The following SACS variants were observed in gnomAD, a reference collection of about 807,000 sequenced individuals.
The protein encoded by SACS is sacsin.
SACS carries 197 observed loss-of-function variants against 348.0 expected under a neutral mutation model. The observed-to-expected ratio is 0.57, with a 90% CI of 0.50 to 0.64. The LOEUF (loss-of-function observed/expected upper bound fraction) is 0.64. Among genes scored for constraint, SACS ranks in the 30% least tolerant of loss-of-function variants. The pLI, the probability that SACS is intolerant of heterozygous loss-of-function variation, is 0.00. For missense variants in SACS, 4,999 were observed against 5,360.8 expected, an observed-to-expected ratio of 0.93 and a Z score of 2.11; for synonymous variants, 1,985 against 1,910.6, an observed-to-expected ratio of 1.04 and a Z score of -1.02.
intron 6 of SACS, among the ~76,000 whole-genome samples, chr13:23,360,595 C>G (rs1870667782): frequency 6.6e-6 from 1 of 152,102 alleles, no homozygotes; most frequent in African/African-American, 2.4e-5. Flanking sequence ...TTCCCACTGT[C>G]AACTGGAAAA....
chr13:23,330,544 T>C lies in SACS; in HGVS notation c.13332A>G (p.Pro4444=). The change falls in exon 10 of 10, where the codon CCA becomes CCG. Residue 4444 remains proline, a synonymous_variant. Transcript: ENST00000382292. ...GTCTTAGCCATCTGCGTGCTTCCAC[T>C]GGATTGCCAACCGACTTGAAAGTGG... is the stretch of plus-strand genomic sequence containing the variant. The part of the protein sequence containing the change: ...VPPTFKSVGN[P]VEARRWLRQA... 1 of 1,614,152 alleles carries C rather than the reference T, an allele frequency of 6.2e-7. No individual in the cohort carries two copies. Among genetic ancestry groups the C allele is most frequent in the Non-Finnish European group, 8.5e-7 (1 of 1,179,986 alleles).
Position 23,333,638 on chromosome 13 carries a change from T to C in SACS, c.10238A>G (p.Tyr3413Cys), listed in dbSNP as rs371980996. Residue 3413 changes from tyrosine to cysteine, a missense_variant, in exon 10 of 10, where the codon TAT becomes TGT. By Grantham distance (194) the Tyr-to-Cys change is radical. Around this residue, in one of 6 missense-constraint regions of SACS, gnomAD observed 734 missense variants for 694.0 expected, o/e 1.06. Transcript: ENST00000382292. ...TACATAGCGGCCACTGATGGATTTATAGCACGGAAGTGACTTTAGAATTTT... is the reference window on the plus strand; with the variant it reads ...TACATAGCGGCCACTGATGGATTTACAGCACGGAAGTGACTTTAGAATTTT... ...DIKILKSLPC[Y>C]KSISGRYVSI... 14 of 1,613,724 alleles carry C rather than the reference T, an allele frequency of 8.7e-6. No homozygotes were observed. The African/African-American group carries it at 1.7e-4, about 20-fold the overall frequency.
chr13:23,352,423 G>T (rs897738725), intron 9 of SACS, among the ~76,000 whole-genome samples: 21 of 152,166 alleles, frequency 1.4e-4, no homozygotes, highest in African/African-American at 4.8e-4. Context: ...CAGTGTCATG[G>T]CTACCCTGGA....
chr13:23,410,933 T>C (rs1873456390), intron 2 of SACS, among the ~76,000 whole-genome samples: 1 of 152,196 alleles, frequency 6.6e-6, no homozygotes, highest in Non-Finnish European at 1.5e-5. Context: ...ATAGATACAT[T>C]TTATGAAGGA....
chr13:23,331,950 T>G lies in SACS; in HGVS notation c.11926A>C (p.Ser3976Arg). 6.2e-7 allele frequency: 1 copy of G among 1,614,128 alleles called. No homozygotes were observed. Among genetic ancestry groups the G allele is most frequent in the Non-Finnish European group, 8.5e-7 (1 of 1,179,968 alleles). The part of the protein sequence containing the change: ...PQKLRPRLLS[S>R]ILEEQLDEET... Reference sequence around the variant, plus strand: ...TCATCTAATTGTTCTTCAAGTATACTGCTCAATAATCGAGGTCTAAGTTTT... The same window carrying G: ...TCATCTAATTGTTCTTCAAGTATACGGCTCAATAATCGAGGTCTAAGTTTT... Residue 3976 changes from serine to arginine, a missense_variant, in exon 10 of 10, where the codon AGT becomes CGT. Around this residue, in one of 6 missense-constraint regions of SACS, gnomAD observed 831 missense variants for 941.8 expected, o/e 0.88. Transcript: ENST00000382292.
At chr13:23,380,909 G>A (rs1290513066) in intron 2 of SACS, among the ~76,000 whole-genome samples, 1 of 152,206 alleles carries the variant, frequency 6.6e-6, no homozygotes, top group Non-Finnish European at 1.5e-5. Flanking sequence ...TGGCGCCAGA[G>A]ATGGACAAAT....
chr13:23,382,447 C>T lies in SACS; in HGVS notation c.21-7178G>A, dbSNP rs112097744. ...TTAAAATCTTACATTTTGCTCATTT[C>T]CCAAACCATTTCAAATGTTCTCTTG... On this transcript the variant is annotated intron_variant, in intron 2 of 9. Coordinates refer to ENST00000382292, the MANE Select transcript of SACS (RefSeq NM_014363.6). Among the ~76,000 whole-genome samples the T allele has an allele frequency of 4.8e-3, 737 of 152,212 alleles. 7 individuals carry two copies. Among genetic ancestry groups the T allele is most frequent in the African/African-American group, 0.016 (681 of 41,538 alleles).
At chr13:23,372,157 T>C (rs1235544803) in intron 3 of SACS, among the ~76,000 whole-genome samples, 1 of 152,184 alleles carries the variant, frequency 6.6e-6, no homozygotes, top group Admixed American at 6.5e-5. Context: ...AACTAGTTTT[T>C]ATAGGCTTGC....
chr13:23,403,104 G>C (rs1873052976), intron 2 of SACS, among the ~76,000 whole-genome samples: 1 of 130,564 alleles, frequency 7.7e-6, no homozygotes, highest in African/African-American at 2.9e-5. Context: ...CTTGAACCCA[G>C]AAGGTGGAGG....
rs1869035301 is a variant in SACS, at chr13:23,339,855, G to T, written c.4021C>A (p.Leu1341Ile). The change falls in exon 10 of 10, where the codon CTC (leucine) becomes ATC (isoleucine). Residue 1341 changes from leucine to isoleucine, a missense_variant. By Grantham distance (5) the Leu-to-Ile change is conservative (BLOSUM62 2). Around this residue, in one of 6 missense-constraint regions of SACS, gnomAD observed 3,156 missense variants for 3,380.1 expected, o/e 0.93. Transcript: ENST00000382292. The stretch of plus-strand genomic sequence containing the variant: ...TCACTGAGATCTTGGTCACTTTTGA[G>T]ATATATCTTCTGAATAACCATGGAA... ...HISMVIQKIYLKSDQDLSEQE... is the reference protein window; with the variant it reads ...HISMVIQKIYIKSDQDLSEQE... 1 of 1,613,526 alleles carries T rather than the reference G, an allele frequency of 6.2e-7. No individual in the cohort carries two copies. The highest frequency in any genetic ancestry group is 1.1e-5 in the South Asian group (1 of 90,978).
chr13:23,412,864 T>C (rs953891898), intron 1 of SACS, among the ~76,000 whole-genome samples: 2 of 152,260 alleles, frequency 1.3e-5, no homozygotes, highest in Non-Finnish European at 2.9e-5. Context: ...TAGTCTAACA[T>C]TTTAAGAAAT....
At position 23,336,603 on chromosome 13, in the gene SACS, G is replaced by A. The variant is rs145766983; in HGVS notation, c.7273C>T (p.Arg2425Ter). ...QITEENFQLCRRIISEGIWSL... is the reference protein window; with the variant it reads ...QITEENFQLC The stretch of plus-strand genomic sequence containing the variant: ...CATATTCCTTCACTGATTATTCGTC[G>A]GCAAAGCTGAAAATTCTCTTCTGTT... Residue 2425 changes from arginine (R) to a stop codon, truncating the protein, a stop_gained, in exon 10 of 10, where the codon CGA becomes TGA. Transcript: ENST00000382292. LOFTEE classifies it high-confidence loss of function. 19 of 1,613,212 alleles carry A rather than the reference G, an allele frequency of 1.2e-5. No homozygotes were observed. Among genetic ancestry groups the A allele is most frequent in the African/African-American group, 4.0e-5 (3 of 74,808 alleles).
intron 8 of SACS, 70 bp from the exon 9 acceptor site, chr13:23,353,946 A>G: frequency 2.1e-6 from 2 of 946,110 alleles, no homozygotes; most frequent in Non-Finnish European, 3.5e-6. Flanking sequence ...AAACAATCAC[A>G]TATTTTCAAG....
rs1230237404 is a variant in SACS, at chr13:23,339,279, A to C, written c.4597T>G (p.Ser1533Ala). The C allele has an allele frequency of 3.7e-6, 6 of 1,604,730 alleles. No individual in the cohort carries two copies. In the Admixed American group the frequency reaches 1.0e-4, roughly 28 times the overall value. ...WSFNNSQFSD[S>A]DFVNITRLGE... ...AACCTAGTTATGTTCACAAAATCTGAATCTGAGAATTGAGAATTGTTGAAT... is the reference window on the plus strand; with the variant it reads ...AACCTAGTTATGTTCACAAAATCTGCATCTGAGAATTGAGAATTGTTGAAT... Residue 1533 changes from serine (S) to alanine (A), a missense_variant, in exon 10 of 10, where the codon TCA becomes GCA. Physicochemically the swap from Ser to Ala is moderately conservative, Grantham distance 99. Transcript: ENST00000382292.
intron 2 of SACS, among the ~76,000 whole-genome samples, chr13:23,407,940 C>T (rs371615133): frequency 1.3e-5 from 2 of 152,070 alleles, no homozygotes; most frequent in Non-Finnish European, 2.9e-5. Context: ...TTGACATTCC[C>T]CCTTAGTAAT....
intron 2 of SACS, among the ~76,000 whole-genome samples, chr13:23,409,528 A>G (rs1873399511): frequency 6.7e-6 from 1 of 149,774 alleles, no homozygotes; most frequent in Non-Finnish European, 1.5e-5. Context: ...TTGCGTTTTT[A>G]GTAAAGACGG....
intron 5 of SACS, among the ~76,000 whole-genome samples, chr13:23,366,145 A>C (rs1173349327): frequency 6.6e-6 from 1 of 152,244 alleles, no homozygotes; most frequent in Non-Finnish European, 1.5e-5. Context: ...AATTGGAGGT[A>C]CAGATGGGCA....
In SACS at chr13:23,339,795, T is replaced by C. The variant is rs1369497759; in HGVS notation, c.4081A>G (p.Asn1361Asp). 6.2e-7 allele frequency: 1 copy of C among 1,613,724 alleles called. No individual in the cohort carries two copies. The highest frequency in any genetic ancestry group is 1.3e-5 in the African/African-American group (1 of 75,038). The change falls in exon 10 of 10, where the codon AAT (asparagine) becomes GAT (aspartate). Residue 1361 changes from asparagine to aspartate, a missense_variant. This residue lies in a region of SACS where 3,156 missense variants were observed against 3,380.1 expected (regional missense o/e 0.93). Coordinates refer to ENST00000382292, the MANE Select transcript of SACS (RefSeq NM_014363.6). ...ESKQNLHLML[N>D]IIRWLYSNQI... is the part of the protein sequence containing the mutation. ...TTGCTATACAGCCATCTGATAATAT[T>C]CAACATAAGATGAAGATTTTGTTTG...
intron 2 of SACS, among the ~76,000 whole-genome samples, chr13:23,377,025 G>C (rs937431436): frequency 6.6e-6 from 1 of 151,566 alleles, no homozygotes; most frequent in African/African-American, 2.4e-5. Context: ...ATTCTGCTAA[G>C]TGAAAGAAGC....
Sources: gnomAD v4.1 joint callset for allele counts (sites outside exome capture counted in the v4.1 genomes callset) on GRCh38, gnomAD v4.1.1 for gene constraint, gnomAD v4.1.1 regional missense constraint, MANE v1.5 for transcripts, NCBI Gene and HGNC (gene_info 2026-07-23, HGNC 2026-07-21) for gene names.